CPEB3: variants seen among roughly 807,000 people sequenced by gnomAD.
The protein encoded by CPEB3 is cytoplasmic polyadenylation element binding protein 3.
A neutral mutation model predicts 67.2 loss-of-function variants in CPEB3; 20 were observed. The ratio of observed to expected loss-of-function variants is 0.30; its 90% confidence interval spans 0.21 to 0.43. The LOEUF (loss-of-function observed/expected upper bound fraction) is 0.43, where lower values mean the gene tolerates loss of function less well. CPEB3 is among the 20% of genes least tolerant of loss of function. The pLI is 1.00. For synonymous variants in CPEB3, 376 were observed against 393.1 expected (o/e 0.96, Z 0.51); for missense variants, 746 against 968.6 (o/e 0.77, Z 3.05).
intron 1 of CPEB3, among the ~76,000 whole-genome samples, chr10:92,256,393 C>CT (rs1185030211): frequency 0.016 from 2,210 of 141,904 alleles, 50 homozygotes; most frequent in African/African-American, 0.048. Context: ...AACCTTTTTT[C>CT]TTTTTTTTTT....
chr10:92,271,536 G>A (rs989435392), intron 1 of CPEB3, among the ~76,000 whole-genome samples: 1 of 152,146 alleles, frequency 6.6e-6, no homozygotes, highest in Admixed American at 6.5e-5. Flanking sequence ...TTGGTAGAAT[G>A]ACCCTCAATT....
At chr10:92,248,748 GACAC>G (rs969169381) in intron 1 of CPEB3, among the ~76,000 whole-genome samples, 2 of 152,064 alleles carry the variant, frequency 1.3e-5, no homozygotes, top group African/African-American at 4.8e-5. Context: ...TGAAGTAACA[GACAC>G]ACACCCCGCC....
intron 6 of CPEB3, among the ~76,000 whole-genome samples, chr10:92,134,830 A>T (rs1846012746): frequency 6.6e-6 from 1 of 151,938 alleles, no homozygotes; most frequent in Non-Finnish European, 1.5e-5. Flanking sequence ...AGACCAATGG[A>T]ATAGAACAGA....
intron 8 of CPEB3, among the ~76,000 whole-genome samples, chr10:92,089,273 G>A (rs937662463): frequency 6.6e-6 from 1 of 152,078 alleles, no homozygotes; most frequent in African/African-American, 2.4e-5. Context: ...TTAACTTTTT[G>A]TCTTGATAAC....
intron 9 of CPEB3, among the ~76,000 whole-genome samples, chr10:92,073,038 C>CTTTTTTTT: frequency 1.6e-5 from 1 of 61,264 alleles, no homozygotes; most frequent in Non-Finnish European, 2.9e-5. Context: ...GAATCTCTGT[C>CTTTTTTTT]TTTTTTTTTT....
At chr10:92,084,973 T>G (rs540652424) in intron 8 of CPEB3, among the ~76,000 whole-genome samples, 11 of 152,302 alleles carry the variant, frequency 7.2e-5, no homozygotes, top group African/African-American at 2.4e-4. Flanking sequence ...ATTTGGTCTT[T>G]TGCTCAACCA....
At chr10:92,247,442 G>C (rs1038070397) in intron 1 of CPEB3, among the ~76,000 whole-genome samples, 2 of 151,684 alleles carry the variant, frequency 1.3e-5, no homozygotes, top group African/African-American at 4.8e-5. Flanking sequence ...TTGTTGCCCA[G>C]GCTGGAGTGC....
At chr10:92,169,067 A>G (rs1043237454) in intron 4 of CPEB3, among the ~76,000 whole-genome samples, 29 of 151,682 alleles carry the variant, frequency 1.9e-4, no homozygotes, top group African/African-American at 7.0e-4. Context: ...AAGTACTGAG[A>G]TCACAGGCGT....
chr10:92,136,331 G>A (rs1369552616), intron 6 of CPEB3, among the ~76,000 whole-genome samples: 30 of 151,968 alleles, frequency 2.0e-4, no homozygotes, highest in Admixed American at 2.0e-3. Flanking sequence ...AAGCAAAATG[G>A]ACAAATGGGA....
intron 7 of CPEB3, among the ~76,000 whole-genome samples, chr10:92,104,287 AAC>A (rs903034592): frequency 2.0e-5 from 3 of 152,174 alleles, no homozygotes; most frequent in African/African-American, 7.2e-5. Context: ...TATTCTTCAG[AAC>A]ACACTCTGGA....
intron 2 of CPEB3, among the ~76,000 whole-genome samples, chr10:92,237,297 G>T (rs181389177): frequency 1.4e-4 from 22 of 152,252 alleles, no homozygotes; most frequent in Admixed American, 1.4e-3. Flanking sequence ...TCTTCCCAAG[G>T]CCAAATAAAT....
intron 7 of CPEB3, among the ~76,000 whole-genome samples, chr10:92,096,826 C>T (rs1843904602): frequency 6.6e-6 from 1 of 152,082 alleles, no homozygotes. Context: ...ACCGGTAATC[C>T]CAGCTACTCA....
chr10:92,260,336 A>T (rs1050387180), intron 1 of CPEB3, among the ~76,000 whole-genome samples: 2 of 152,062 alleles, frequency 1.3e-5, no homozygotes, highest in African/African-American at 4.8e-5. Flanking sequence ...AGATCACCTG[A>T]GGTCAGGAGC....
At chr10:92,138,038 G>C (rs1590218914) in intron 6 of CPEB3, 1 of 154,382 alleles carries the variant, frequency 6.5e-6, no homozygotes, top group Non-Finnish European at 1.4e-5. Context: ...TCACTGAGAA[G>C]ATGCATGCTT....
intron 2 of CPEB3, among the ~76,000 whole-genome samples, chr10:92,238,967 G>A (rs1038263560): frequency 1.3e-5 from 2 of 152,180 alleles, no homozygotes; most frequent in Non-Finnish European, 2.9e-5. Context: ...CCTGAAATGT[G>A]TAGCTACTCA....
intron 4 of CPEB3, among the ~76,000 whole-genome samples, chr10:92,180,601 C>T (rs749040315): frequency 6.6e-6 from 1 of 152,204 alleles, no homozygotes; most frequent in Non-Finnish European, 1.5e-5. Flanking sequence ...AATAAAACTT[C>T]ATTTACAAAA....
chr10:92,275,115 C>T (rs1841920354), intron 1 of CPEB3, among the ~76,000 whole-genome samples: 1 of 152,192 alleles, frequency 6.6e-6, no homozygotes, highest in African/African-American at 2.4e-5. Context: ...CCATGTCCTT[C>T]CAATGAATTT....
intron 2 of CPEB3, among the ~76,000 whole-genome samples, chr10:92,224,437 G>C (rs1850861495): frequency 1.3e-5 from 2 of 152,126 alleles, no homozygotes; most frequent in Admixed American, 1.3e-4. Context: ...TACTCTTGGT[G>C]ATCTGGTGGC....
chr10:92,152,852 G>C (rs1847026773), intron 4 of CPEB3, among the ~76,000 whole-genome samples: 1 of 152,092 alleles, frequency 6.6e-6, no homozygotes, highest in African/African-American at 2.4e-5. Context: ...CCCTACAAGA[G>C]TGACCACTGA....
Sources: gnomAD v4.1 joint callset for allele counts (sites outside exome capture counted in the v4.1 genomes callset) on GRCh38, gnomAD v4.1.1 for gene constraint, MANE v1.5 for transcripts, NCBI Gene and HGNC (gene_info 2026-07-23, HGNC 2026-07-21) for gene names.